The following CFAP70 variants were observed in gnomAD, a reference collection of about 807,000 sequenced individuals.
The protein encoded by CFAP70 is cilia- and flagella-associated protein 70.
A neutral mutation model predicts 137.6 loss-of-function variants in CFAP70; 81 were observed. The ratio of observed to expected loss-of-function variants is 0.59; its 90% CI spans 0.49 to 0.71. The LOEUF is 0.71. Among genes scored for constraint, CFAP70 ranks in the 30% least tolerant of loss-of-function variants. The probability of loss-of-function intolerance (pLI) is 0.00; values close to 1 mark genes in which losing one functional copy is unlikely to be tolerated. For missense variants in CFAP70, 976 were observed against 1,226.7 expected (o/e 0.80, Z 3.05); for synonymous variants, 382 against 423.6 (o/e 0.90, Z 1.20).
At chr10:73,299,694 A>T (rs1325868289) in intron 12 of CFAP70, 29 bp from the exon 14 acceptor site, 13 of 1,566,010 alleles carry the variant, frequency 8.3e-6, no homozygotes, top group Middle Eastern at 3.4e-4. Context: ...AAAATAAAAA[A>T]ACAAAAAAAA....
chr10:73,314,520 C>T (rs1270930605), intron 9 of CFAP70, among the ~76,000 whole-genome samples: 1 of 152,180 alleles, frequency 6.6e-6, no homozygotes, highest in Non-Finnish European at 1.5e-5. Flanking sequence ...TAGTCTTTTG[C>T]ATCTGCCTTC....
chr10:73,289,812 G>A (rs541566623), intron 19 of CFAP70, among the ~76,000 whole-genome samples: 139 of 152,040 alleles, frequency 9.1e-4, no homozygotes, highest in Non-Finnish European at 1.4e-3. Context: ...TTGGGAGGCC[G>A]AGGCAGGCAG....
exon 3 of CFAP70, chr10:73,353,572 A>G: frequency 6.2e-7 from 1 of 1,614,140 alleles, no homozygotes; most frequent in Non-Finnish European, 8.5e-7. Context: ...CAGGTTTGTG[A>G]GCGAGGTCAT....
intron 19 of CFAP70, among the ~76,000 whole-genome samples, chr10:73,286,997 G>A (rs1030055684): frequency 6.6e-5 from 10 of 152,198 alleles, no homozygotes; most frequent in African/African-American, 2.4e-4. Flanking sequence ...GGGTGGGCCA[G>A]GTGTTTCCTC....
chr10:73,308,846 A>G (rs565054230), intron 12 of CFAP70, among the ~76,000 whole-genome samples: 87 of 151,778 alleles, frequency 5.7e-4, no homozygotes, highest in Admixed American at 5.9e-4. Flanking sequence ...AATGAAAACA[A>G]AAACCAAATA....
chr10:73,348,432 A>T (rs764848611), exon 4 of CFAP70: 2 of 1,599,610 alleles, frequency 1.3e-6, no homozygotes, highest in Non-Finnish European at 1.7e-6. Flanking sequence ...CCTTCCAGTA[A>T]GGGAAGAAGG....
intron 6 of CFAP70, among the ~76,000 whole-genome samples, chr10:73,338,296 C>T (rs1214683139): frequency 6.6e-6 from 1 of 151,770 alleles, no homozygotes; most frequent in Admixed American, 6.6e-5. Context: ...GATTCAGGCG[C>T]ACACCACTAT....
intron 11 of CFAP70, 98 bp downstream of exon 12, chr10:73,311,736 A>C (rs1237944164): frequency 1.0e-6 from 1 of 973,110 alleles, no homozygotes; most frequent in African/African-American, 1.7e-5. Flanking sequence ...ATGGAATGAT[A>C]ACTAACATCC....
rs371700720 is a variant in CFAP70, at chr10:73,331,293, A to G, written c.678-17T>C. 1 of 1,602,272 alleles carries G rather than the reference A, an allele frequency of 6.2e-7. No individual in the cohort carries two copies. Among genetic ancestry groups the G allele is most frequent in the African/African-American group, 1.3e-5 (1 of 74,882 alleles). On this transcript the variant is annotated splice_polypyrimidine_tract_variant and intron_variant, in intron 7 of 26. Coordinates refer to ENST00000310715, the Ensembl canonical transcript of CFAP70. ...TTCTGAAAACTGCAAATCAAGAATC[A>G]GTCCATTAGCATTATATGCAAAAAT...
intron 16 of CFAP70, 76 bp from the exon 18 acceptor site, chr10:73,292,090 T>C: frequency 6.6e-7 from 1 of 1,516,274 alleles, no homozygotes; most frequent in Middle Eastern, 1.8e-4. Context: ...TGGTAAACAC[T>C]GTAAATACTG....
intron 24 of CFAP70, among the ~76,000 whole-genome samples, chr10:73,271,517 C>T (rs892868780): frequency 1.3e-5 from 2 of 152,066 alleles, no homozygotes; most frequent in African/African-American, 4.8e-5. Flanking sequence ...GATACCAATA[C>T]TATACTGTTA....
chr10:73,322,396 G>T (rs1278918114), intron 9 of CFAP70, among the ~76,000 whole-genome samples: 1 of 151,282 alleles, frequency 6.6e-6, no homozygotes, highest in African/African-American at 2.4e-5. Flanking sequence ...TACTTTTCAA[G>T]ACCCTGTCTC....
intron 15 of CFAP70, chr10:73,295,978 T>A (rs1350927786): frequency 6.6e-6 from 1 of 152,252 alleles, no homozygotes; most frequent in Non-Finnish European, 1.5e-5. Flanking sequence ...GCATTCCATG[T>A]CCTGGTTAAT....
chr10:73,312,721 C>T (rs551671915), intron 9 of CFAP70, 78 bp from the exon 11 acceptor site: 2 of 1,285,958 alleles, frequency 1.6e-6, no homozygotes, highest in East Asian at 2.4e-5. Context: ...TTTTTTTTAC[C>T]ATTTAGTCTT....
intron 25 of CFAP70, among the ~76,000 whole-genome samples, chr10:73,260,504 T>A (rs2045053492): frequency 6.6e-6 from 1 of 151,512 alleles, no homozygotes. Context: ...TATAAAAAAA[T>A]AGCTATATTA....
intron 25 of CFAP70, among the ~76,000 whole-genome samples, chr10:73,262,966 G>A (rs577215735): frequency 5.9e-4 from 90 of 152,218 alleles, no homozygotes; most frequent in Non-Finnish European, 9.6e-4. Context: ...CTAAAATCAA[G>A]GATATTCTCC....
chr10:73,318,807 C>T (rs957540973), intron 9 of CFAP70, among the ~76,000 whole-genome samples: 1 of 152,172 alleles, frequency 6.6e-6, no homozygotes, highest in Non-Finnish European at 1.5e-5. Context: ...GATACATTTC[C>T]AATTATTCCC....
At chr10:73,278,262 G>C (rs1429285177) in exon 20 of CFAP70, 6 of 1,613,936 alleles carry the variant, frequency 3.7e-6, no homozygotes, top group South Asian at 1.1e-5. Flanking sequence ...AGTCAAAATG[G>C]GTTCTTGTGA....
Position 73,291,619 on chromosome 10 carries a change from A to T in CFAP70, c.2020+21T>A, listed in dbSNP as rs1370105983. ...CTTATAATGGGGAGAAAACACATTC[A>T]GATTACAAGAAAATATCTACCAAGT... is the stretch of plus-strand genomic sequence containing the variant. On this transcript the variant is annotated intron_variant, in intron 18 of 26. Transcript: ENST00000310715. 1.9e-6 allele frequency: 3 copies of T among 1,593,464 alleles called. No individual in the cohort carries two copies. The Admixed American group carries it at 5.1e-5, about 27-fold the overall frequency.
Sources: gnomAD v4.1 joint callset for allele counts (sites outside exome capture counted in the v4.1 genomes callset) on GRCh38, gnomAD v4.1.1 for gene constraint, MANE v1.5 for transcripts, NCBI Gene and HGNC (gene_info 2026-07-23, HGNC 2026-07-21) for gene names.